The following NBEAL1 variants were observed in gnomAD, a reference collection of about 807,000 sequenced individuals.
NBEAL1 encodes the protein neurobeachin-like protein 1.
In NBEAL1, 273 loss-of-function variants were observed where a neutral mutation model predicts 351.3. That is an observed-to-expected ratio of 0.78 (90% CI 0.70 to 0.86). The LOEUF (loss-of-function observed/expected upper bound fraction) is 0.86, where lower values mean the gene tolerates loss of function less well. Ranked by LOEUF, NBEAL1 falls within the 40% of genes least tolerant of loss-of-function variation. The probability of loss-of-function intolerance (pLI) is 0.00; values close to 1 mark genes in which losing one functional copy is unlikely to be tolerated. For synonymous variants in NBEAL1, 1,050 were observed against 1,086.4 expected, an observed-to-expected ratio of 0.97 and a Z score of 0.66; for missense variants, 2,961 against 3,201.3, an observed-to-expected ratio of 0.92 and a Z score of 1.81.
intron 47 of NBEAL1, among the ~76,000 whole-genome samples, chr2:203,194,150 C>T (rs534498688): frequency 5.9e-5 from 9 of 152,058 alleles, no homozygotes; most frequent in African/African-American, 1.7e-4. Context: ...ATTTTCCTGA[C>T]GAAGAAGAAT....
chr2:203,084,070 T>C (rs2061922042), intron 9 of NBEAL1, among the ~76,000 whole-genome samples: 1 of 151,202 alleles, frequency 6.6e-6, no homozygotes, highest in African/African-American at 2.4e-5. Flanking sequence ...TTCTGCTTAT[T>C]TATCTCTGTC....
At position 203,049,954 on chromosome 2, in the gene NBEAL1, A is replaced by G. The variant is rs1420954208; in HGVS notation, c.284A>G (p.Lys95Arg). ...CAAGCCTTGTCAATTTTGCTTGTCA[A>G]GTTCTTCATTATTCTTTGCAGGTAT... is the stretch of plus-strand genomic sequence containing the variant. The part of the protein sequence containing the change: ...QQQALSILLV[K>R]FFIILCRNLS... Residue 95 changes from lysine to arginine, a missense_variant, in exon 4 of 56, where the codon AAG becomes AGG. Transcript: ENST00000683969. The G allele has an allele frequency of 6.4e-7, 1 of 1,552,990 alleles. No individual in the cohort carries two copies. The highest frequency in any genetic ancestry group is 8.7e-7 in the Non-Finnish European group (1 of 1,147,206).
chr2:203,136,156 G>A lies in NBEAL1; in HGVS notation c.4293G>A (p.Glu1431=). 1 of 1,614,042 alleles carries A rather than the reference G, an allele frequency of 6.2e-7. No individual in the cohort carries two copies. Among genetic ancestry groups the A allele is most frequent in the Non-Finnish European group, 8.5e-7 (1 of 1,179,980 alleles). Residue 1431 remains glutamate, a synonymous_variant, in exon 28 of 56, where the codon GAG becomes GAA. Coordinates refer to ENST00000683969, the MANE Select transcript of NBEAL1 (RefSeq NM_001378026.1). The part of the protein sequence containing the change: ...DSLPSTPSPV[E]STKSFSVHSD... ...TGCCTAGCACACCATCCCCAGTAGA[G>A]TCTACTAAATCGTTTTCTGTGCACT...
At chr2:203,063,631 A>C (rs2061536081) in intron 6 of NBEAL1, among the ~76,000 whole-genome samples, 1 of 152,184 alleles carries the variant, frequency 6.6e-6, no homozygotes, top group African/African-American at 2.4e-5. Context: ...TCATTCATTT[A>C]AACATTGATT....
At position 203,110,260 on chromosome 2, in the gene NBEAL1, A is replaced by G; in HGVS notation, c.2060A>G (p.His687Arg). 6.4e-7 allele frequency: 1 copy of G among 1,552,410 alleles called. No individual in the cohort carries two copies. Residue 687 changes from histidine to arginine, a missense_variant, in exon 15 of 56, where the codon CAC (histidine) becomes CGC (arginine). Transcript: ENST00000683969. ...TATGCAACGGTTATGCTTCCTGACC[A>G]CAGTTTCTGTGATTCCCTCTGGGTA... The part of the protein sequence containing the change: ...REYATVMLPD[H>R]SFCDSLWHNI...
At chr2:203,131,201 G>A (rs548767253) in intron 25 of NBEAL1, among the ~76,000 whole-genome samples, 1 of 152,082 alleles carries the variant, frequency 6.6e-6, no homozygotes, top group Admixed American at 6.6e-5. Context: ...TTTCAGTCCA[G>A]TTTATTCTTT....
chr2:203,099,485 G>A, intron 11 of NBEAL1, 144 bp from the exon 12 acceptor site: 2 of 552,160 alleles, frequency 3.6e-6, no homozygotes, highest in Admixed American at 3.6e-5. Flanking sequence ...AGGTTATAGT[G>A]TTTCAGAAAT....
rs1156481544 is a variant in NBEAL1 at position 203,057,376 on chromosome 2, A to G, written c.438A>G (p.Glu146=). Residue 146 remains glutamate, a synonymous_variant, in exon 6 of 56, where the codon GAA becomes GAG. Transcript: ENST00000683969. The stretch of plus-strand genomic sequence containing the variant: ...AAATGGCAGATCAGACATGTATTGA[A>G]GAATTTGTGATCCACGCATTGGCAT... ...EKEMADQTCI[E]EFVIHALAFC... 13 of 1,552,374 alleles carry G rather than the reference A, an allele frequency of 8.4e-6. No homozygotes were observed. Among genetic ancestry groups the G allele is most frequent in the Non-Finnish European group, 1.0e-5 (12 of 1,146,622 alleles).
chr2:203,026,962 T>C (rs905257178), intron 2 of NBEAL1, among the ~76,000 whole-genome samples: 1 of 152,260 alleles, frequency 6.6e-6, no homozygotes, highest in African/African-American at 2.4e-5. Flanking sequence ...TGTAGTGTTT[T>C]AATATACGTT....
At chr2:203,209,394 G>T in intron 53 of NBEAL1, 72 bp downstream of exon 53, 1 of 1,115,452 alleles carries the variant, frequency 9.0e-7, no homozygotes. Context: ...TATAGATGAG[G>T]TTTATTGAAG....
chr2:203,095,161 T>A (rs2062155874), intron 10 of NBEAL1, among the ~76,000 whole-genome samples: 1 of 152,046 alleles, frequency 6.6e-6, no homozygotes, highest in Admixed American at 6.6e-5. Flanking sequence ...AAAACTATTA[T>A]CTTTAGTAGC....
In NBEAL1 at chr2:203,211,064, C is replaced by G; in HGVS notation, c.7892C>G (p.Thr2631Arg). ...DICIIGEHIV[T>R]GSIQGFLSIR... is the part of the protein sequence containing the mutation. Reference sequence around the variant, plus strand: ...TGTATAATCGGAGAACACATTGTCACAGGCAGCATACAAGGATTCCTGTCT... The same window carrying G: ...TGTATAATCGGAGAACACATTGTCAGAGGCAGCATACAAGGATTCCTGTCT... The change falls in exon 54 of 56, where the codon ACA (threonine) becomes AGA (arginine). Residue 2631 changes from threonine (T) to arginine (R), a missense_variant. Physicochemically the swap from Thr to Arg is moderately conservative, Grantham distance 71 (BLOSUM62 -1). Transcript: ENST00000683969. 1 of 1,606,594 alleles carries G rather than the reference C, an allele frequency of 6.2e-7. No homozygotes were observed. Among genetic ancestry groups the G allele is most frequent in the Non-Finnish European group, 8.5e-7 (1 of 1,176,178 alleles).
intron 2 of NBEAL1, among the ~76,000 whole-genome samples, chr2:203,031,049 T>A (rs146242220): frequency 3.2e-4 from 48 of 152,370 alleles, no homozygotes; most frequent in African/African-American, 1.1e-3. Context: ...GCCATTACTT[T>A]ATGTAACATT....
At position 203,133,118 on chromosome 2, in the gene NBEAL1, T is replaced by C. The variant is rs1216455743; in HGVS notation, c.3785T>C (p.Ile1262Thr). The change falls in exon 27 of 56, where the codon ATA becomes ACA. Residue 1262 changes from isoleucine to threonine, a missense_variant. Ile to Thr is a moderately conservative substitution (Grantham distance 89). Coordinates refer to ENST00000683969, the MANE Select transcript of NBEAL1 (RefSeq NM_001378026.1). ...SVVYISHRAH[I>T]NVRVAICRKV... is the part of the protein sequence containing the mutation. ...GTATATATATCTCACAGAGCACATA[T>C]AAATGTTAGAGTGGCCATCTGCAGA... The C allele has an allele frequency of 2.0e-6, 3 of 1,508,800 alleles. No individual in the cohort carries two copies. Among genetic ancestry groups the C allele is most frequent in the Non-Finnish European group, 2.7e-6 (3 of 1,114,142 alleles). 93.5% of individuals were successfully genotyped at this position (1,508,800 alleles called of 1,614,324 possible).
At chr2:203,124,590 A>G (rs76388124) in intron 19 of NBEAL1, among the ~76,000 whole-genome samples, 7,415 of 152,270 alleles carry the variant, frequency 0.049, 267 homozygotes, top group Admixed American at 0.079. Context: ...AATATACACA[A>G]TAAAATTTAT....
intron 24 of NBEAL1, among the ~76,000 whole-genome samples, chr2:203,128,601 C>T (rs1014162666): frequency 2.0e-4 from 28 of 139,356 alleles, no homozygotes; most frequent in East Asian, 4.2e-4. Context: ...AGATTTCTTT[C>T]TTTTTTTTTT....
intron 51 of NBEAL1, among the ~76,000 whole-genome samples, chr2:203,205,119 C>T (rs1465687800): frequency 1.3e-5 from 2 of 152,058 alleles, no homozygotes; most frequent in Non-Finnish European, 2.9e-5. Context: ...ATAGTGTTTG[C>T]TGTTAGGTTT....
Position 203,157,755 on chromosome 2 carries a change from G to T in NBEAL1, c.5644G>T (p.Val1882Leu), listed in dbSNP as rs76455076. 7.9e-4 allele frequency: 1,269 copies of T among 1,597,254 alleles called. 21 individuals carry two copies. The East Asian group carries it at 0.024, about 30-fold the overall frequency. Residue 1882 changes from valine to leucine, a missense_variant, in exon 36 of 56, where the codon GTA (valine) becomes TTA (leucine). Coordinates refer to ENST00000683969, the MANE Select transcript of NBEAL1 (RefSeq NM_001378026.1). ...ATTGCTTTTGGAAGTAGTGAAACAA[G>T]TAAAAGTTAGTGATATGGTGGAGGA... ...DTLLLEVVKQ[V>L]KVSDMVEDKL...
intron 28 of NBEAL1, 120 bp from the exon 29 acceptor site, chr2:203,136,478 GT>G: frequency 2.4e-6 from 2 of 821,240 alleles, no homozygotes. Context: ...AAAGTTCCAG[GT>G]TCATTAAGGA....
Sources: allele counts gnomAD v4.1 joint callset (sites outside exome capture counted in the v4.1 genomes callset), GRCh38; gene constraint gnomAD v4.1.1; transcripts MANE v1.5; gene names NCBI Gene and HGNC (gene_info 2026-07-23, HGNC 2026-07-21).